BCCIP: variants seen among roughly 807,000 people sequenced by gnomAD.
BCCIP encodes BRCA2 and CDKN1A interacting protein, also known as BRCA2 and CDKN1A-interacting protein.
A neutral mutation model predicts 32.8 loss-of-function variants in BCCIP; 23 were observed. The ratio of observed to expected loss-of-function variants is 0.70; its 90% CI spans 0.51 to 0.99. The LOEUF is 0.99. BCCIP is among the 50% of genes least tolerant of loss of function. The pLI, the probability that BCCIP is intolerant of heterozygous loss-of-function variation, is 0.00. For missense variants in BCCIP, 378 were observed against 379.8 expected, an observed-to-expected ratio of 1.00 and a Z score of 0.04; for synonymous variants, 144 against 137.6, an observed-to-expected ratio of 1.05 and a Z score of -0.33.
intron 7 of BCCIP, among the ~76,000 whole-genome samples, chr10:125,851,189 T>C (rs937880748): frequency 1.3e-5 from 2 of 152,262 alleles, no homozygotes; most frequent in Non-Finnish European, 2.9e-5. Flanking sequence ...TTGAATTAAA[T>C]GCAGCAGCTG....
chr10:125,836,116 A>T lies in BCCIP; in HGVS notation c.787A>T (p.Lys263Ter), dbSNP rs548423437. 6.2e-7 allele frequency: 1 copy of T among 1,610,776 alleles called. No individual in the cohort carries two copies. Among genetic ancestry groups the T allele is most frequent in the African/African-American group, 1.3e-5 (1 of 74,990 alleles). Residue 263 changes from lysine to a stop codon, truncating the protein, a stop_gained, in exon 7 of 7, where the codon AAG becomes TAG. Transcript: ENST00000278100. LOFTEE classifies it high-confidence loss of function. ...TTATTTGGTTTAGAAGGCAATTCTC[A>T]AGTTCAACTACTCAGTGCAGGAGGA... Reference protein sequence around the residue: ...EEFFYEKAILKFNYSVQEESD... With the variant: ...EEFFYEKAIL
At chr10:125,837,072 C>G (rs1483883627), downstream of BCCIP, among the ~76,000 whole-genome samples, 2 of 152,218 alleles carry the variant, frequency 1.3e-5, no homozygotes, top group Non-Finnish European at 2.9e-5. Flanking sequence ...GTTGGCCTCT[C>G]TAGTGTTATG....
chr10:125,842,184 G>T, exon 7 of BCCIP: 1 of 436,032 alleles, frequency 2.3e-6, no homozygotes, highest in Non-Finnish European at 3.9e-6. Context: ...CATGCGGGGG[G>T]AACCCAGGTG....
rs145409042 is a variant in BCCIP at position 125,836,223 on chromosome 10, C to T, written c.894C>T (p.Gly298=). Residue 298 remains glycine, a synonymous_variant, in exon 7 of 7, where the codon GGC becomes GGT. Transcript: ENST00000278100. The stretch of plus-strand genomic sequence containing the variant: ...TGCGAACTGTGATGTTAATTCCAGG[C>T]GACAAGATGAACGAAATCATGGATA... ...TPLRTVMLIP[G]DKMNEIMDKL... 3.1e-5 allele frequency: 50 copies of T among 1,614,072 alleles called. No individual in the cohort carries two copies. The African/African-American group carries it at 4.8e-4, about 15-fold the overall frequency.
At chr10:125,841,961 A>ACAGCCTGGGCAAC (rs1162168175) in exon 7 of BCCIP, 1 of 1,560,298 alleles carries the variant, frequency 6.4e-7, no homozygotes, top group Non-Finnish European at 8.6e-7. Context: ...ATAATAATTT[A>ACAGCCTGGGCAAC]AGAGTCTCAT....
intron 5 of BCCIP, among the ~76,000 whole-genome samples, chr10:125,832,146 C>G (rs1230309064): frequency 6.6e-6 from 1 of 152,024 alleles, no homozygotes; most frequent in Non-Finnish European, 1.5e-5. Context: ...ATTGTCTGTG[C>G]TTTGCAACAG....
chr10:125,846,193 T>TA (rs1269513337), downstream of BCCIP, among the ~76,000 whole-genome samples: 1 of 152,176 alleles, frequency 6.6e-6, no homozygotes, highest in Admixed American at 6.5e-5. Context: ...TAACTGTTCT[T>TA]ACAGCCAGGA....
chr10:125,834,105 G>A, intron 6 of BCCIP, 159 bp downstream of exon 6: 3 of 741,618 alleles, frequency 4.0e-6, no homozygotes, highest in South Asian at 1.8e-5. Context: ...CATAGTGCCA[G>A]GTGCATAGTA....
chr10:125,823,734 A>G lies in BCCIP; in HGVS notation c.165+12A>G, dbSNP rs1180748489. 2 of 1,613,912 alleles carry G rather than the reference A, an allele frequency of 1.2e-6. No individual in the cohort carries two copies. Among genetic ancestry groups the G allele is most frequent in the Admixed American group, 1.7e-5 (1 of 59,992 alleles). ...AGGTCATTGACGAGGTGAGAAGGAC[A>G]CGCTCCCCTAGTTGGTTTATACCTG... On this transcript the variant is annotated intron_variant, in intron 1 of 6. Coordinates refer to ENST00000278100, the MANE Select transcript of BCCIP (RefSeq NM_078468.3).
intron 1 of BCCIP, 61 bp downstream of exon 1, chr10:125,823,783 G>T: frequency 1.3e-6 from 2 of 1,591,614 alleles, no homozygotes; most frequent in Non-Finnish European, 1.7e-6. Context: ...GGCAAGCCCA[G>T]GCTGTGTAAA....
intron 3 of BCCIP, among the ~76,000 whole-genome samples, chr10:125,830,241 T>C (rs751942590): frequency 2.0e-5 from 3 of 152,222 alleles, no homozygotes; most frequent in Non-Finnish European, 4.4e-5. Flanking sequence ...ATTTGTATTA[T>C]ATTGAGAATC....
rs753533068 is a variant in BCCIP at position 125,823,615 on chromosome 10, C to A, written c.58C>A (p.Pro20Thr). The A allele has an allele frequency of 1.8e-5, 29 of 1,614,068 alleles. No individual in the cohort carries two copies. The highest frequency in any genetic ancestry group is 2.7e-5 in the African/African-American group (2 of 75,030). Residue 20 changes from proline to threonine, a missense_variant, in exon 1 of 7, where the codon CCC (proline) becomes ACC (threonine). By Grantham distance (38) the Pro-to-Thr change is conservative. Coordinates refer to ENST00000278100, the MANE Select transcript of BCCIP (RefSeq NM_078468.3). ...VESGVPQPPD[P>T]PVQRDEEEEK... Reference sequence around the variant, plus strand: ...AAGTGGGGTTCCGCAGCCGCCGGATCCCCCAGTCCAGCGCGACGAGGAAGA... The same window carrying A: ...AAGTGGGGTTCCGCAGCCGCCGGATACCCCAGTCCAGCGCGACGAGGAAGA...
chr10:125,839,697 A>T (rs578023586), downstream of BCCIP, among the ~76,000 whole-genome samples: 202 of 152,324 alleles, frequency 1.3e-3, 1 homozygote, highest in African/African-American at 4.7e-3. Context: ...TAATTATGTT[A>T]TAGTTAAGCT....
chr10:125,831,864 A>T (rs1400780569), intron 5 of BCCIP, among the ~76,000 whole-genome samples: 6 of 152,194 alleles, frequency 3.9e-5, no homozygotes, highest in Non-Finnish European at 8.8e-5. Flanking sequence ...TTTCATATAG[A>T]CTTTGCATCC....
At chr10:125,834,921 A>G (rs374991785) in intron 6 of BCCIP, among the ~76,000 whole-genome samples, 1 of 151,948 alleles carries the variant, frequency 6.6e-6, no homozygotes, top group African/African-American at 2.4e-5. Flanking sequence ...TCACGAGGTC[A>G]GGAGATCGAG....
exon 8 of BCCIP, chr10:125,853,271 A>G (rs1430639029): frequency 4.3e-6 from 6 of 1,396,442 alleles, no homozygotes; most frequent in Non-Finnish European, 5.9e-6. Flanking sequence ...GGAGGCTCAT[A>G]GTCTCCTGGA....
rs2134013536 is a variant in BCCIP at position 125,833,917 on chromosome 10, G to T, written c.745G>T (p.Ala249Ser). 1 of 1,614,202 alleles carries T rather than the reference G, an allele frequency of 6.2e-7. No homozygotes were observed. The highest frequency in any genetic ancestry group is 1.3e-5 in the African/African-American group (1 of 75,040). Residue 249 changes from alanine (A) to serine (S), a missense_variant, in exon 6 of 7, where the codon GCA becomes TCA. By Grantham distance (99) the Ala-to-Ser change is moderately conservative. Coordinates refer to ENST00000278100, the MANE Select transcript of BCCIP (RefSeq NM_078468.3). ...SNKKKAALMFANAEEEFFYEK... is the reference protein window; with the variant it reads ...SNKKKAALMFSNAEEEFFYEK... Reference sequence around the variant, plus strand: ...CAAAAAGAAAGCTGCGTTAATGTTTGCAAATGCAGAGGAAGAATTTTTCTA... The same window carrying T: ...CAAAAAGAAAGCTGCGTTAATGTTTTCAAATGCAGAGGAAGAATTTTTCTA...
downstream of BCCIP, chr10:125,836,662 G>T: frequency 6.2e-7 from 1 of 1,610,904 alleles, no homozygotes; most frequent in Non-Finnish European, 8.5e-7. Flanking sequence ...TTGGGACCCT[G>T]CTGCACCTTG....
chr10:125,838,398 G>T, downstream of BCCIP: 1 of 1,546,890 alleles, frequency 6.5e-7, no homozygotes, highest in Non-Finnish European at 8.7e-7. Context: ...CTGAAAGGCA[G>T]AATTTTAAAG....
Sources: allele counts gnomAD v4.1 joint callset (sites outside exome capture counted in the v4.1 genomes callset), GRCh38; gene constraint gnomAD v4.1.1; transcripts MANE v1.5; gene names NCBI Gene and HGNC (gene_info 2026-07-23, HGNC 2026-07-21).